CREB3L2: variants seen among roughly 807,000 people sequenced by gnomAD.
CREB3L2 encodes cAMP responsive element binding protein 3 like 2, also known as cyclic AMP-responsive element-binding protein 3-like protein 2.
Under a neutral mutation model 57.2 loss-of-function variants are expected in CREB3L2, and 23 were observed. That is an observed-to-expected ratio of 0.40 (90% confidence interval 0.29 to 0.57). CREB3L2 has a LOEUF of 0.57. CREB3L2 is among the 20% of genes least tolerant of loss of function. The pLI, the probability that CREB3L2 is intolerant of heterozygous loss-of-function variation, is 0.42. For missense variants in CREB3L2, 628 were observed against 634.7 expected (o/e 0.99, Z 0.11); for synonymous variants, 268 against 265.1 (o/e 1.01, Z -0.11).
chr7:137,880,609 T>C lies in CREB3L2; in HGVS notation c.1488-58A>G. ...AGTCACCAGCTGTTAGCTACAATTC[T>C]CATGCTTTGTAGCGTGATGCAATCA... On this transcript the variant is annotated intron_variant, in intron 11 of 11. Transcript: ENST00000330387. The surrounding 1 kb of genome is among the most constrained non-coding windows in gnomAD (Gnocchi z 4.0). 3.7e-6 allele frequency: 5 copies of C among 1,352,440 alleles called. No homozygotes were observed. In the South Asian group the frequency reaches 4.7e-5, roughly 13 times the overall value. 83.8% of individuals were successfully genotyped at this position (1,352,440 alleles called of 1,614,324 possible).
chr7:137,949,500 G>A (rs1801054217), intron 1 of CREB3L2, among the ~76,000 whole-genome samples: 1 of 152,176 alleles, frequency 6.6e-6, no homozygotes, highest in African/African-American at 2.4e-5. Context: ...TTCTGTGCAA[G>A]TTACTTCCTT....
chr7:137,978,152 T>C (rs1801640799), intron 1 of CREB3L2, among the ~76,000 whole-genome samples: 1 of 151,894 alleles, frequency 6.6e-6, no homozygotes, highest in African/African-American at 2.4e-5. Flanking sequence ...TAAAAACAAA[T>C]CAGAGACCAT....
At chr7:137,933,229 T>C (rs1800696083) in intron 1 of CREB3L2, among the ~76,000 whole-genome samples, 1 of 152,130 alleles carries the variant, frequency 6.6e-6, no homozygotes, top group African/African-American at 2.4e-5. Context: ...AACACGCAAA[T>C]GCAAGAGGTA....
At chr7:137,916,615 G>A (rs1423494956) in intron 2 of CREB3L2, among the ~76,000 whole-genome samples, 1 of 152,056 alleles carries the variant, frequency 6.6e-6, no homozygotes, top group Non-Finnish European at 1.5e-5. Flanking sequence ...CTACTTGGGA[G>A]GCTGAGGCAG....
intron 1 of CREB3L2, among the ~76,000 whole-genome samples, chr7:137,991,285 T>G (rs1801890377): frequency 6.6e-6 from 1 of 151,798 alleles, no homozygotes; most frequent in South Asian, 2.1e-4. Context: ...TGCCTCAGCC[T>G]CCCGAGTAGC....
chr7:137,904,105 C>G, intron 6 of CREB3L2, 88 bp from the exon 7 acceptor site: 1 of 1,086,392 alleles, frequency 9.2e-7, no homozygotes, highest in East Asian at 2.4e-5. Flanking sequence ...GTAGAAGTCA[C>G]CAAAGCCCTG....
Position 138,001,819 on chromosome 7 carries a change from CGT to C in CREB3L2, c.-116_-115del, listed in dbSNP as rs1802083569. On this transcript the variant is annotated 5_prime_UTR_variant, in exon 1 of 12. Transcript: ENST00000330387. This position sits in a 1 kb window ranked among gnomAD's most constrained non-coding sequence, Gnocchi z 4.2. ...GCGTGTGCTTGCGTGTGTGCGCGCG[CGT>C]GTCTGTAGTTTTGCACTTGGAAAGC... is the stretch of plus-strand genomic sequence containing the variant. 7.2e-6 allele frequency: 5 copies of C among 697,406 alleles called. No homozygotes were observed. Among genetic ancestry groups the C allele is most frequent in the Non-Finnish European group, 1.1e-5 (5 of 448,470 alleles). The allele number at this position is 697,406 out of a possible 1,614,324, so 43.2% of individuals were successfully genotyped here. A position where few individuals can be genotyped will look rare whatever the true frequency, so the allele number is the denominator to read the frequency against.
intron 8 of CREB3L2, among the ~76,000 whole-genome samples, chr7:137,891,821 C>T (rs989945726): frequency 2.6e-5 from 4 of 152,106 alleles, no homozygotes; most frequent in Non-Finnish European, 5.9e-5. Flanking sequence ...TCAGGTGATC[C>T]GCCCACCTCG....
chr7:137,994,057 A>G (rs929720149), intron 1 of CREB3L2, among the ~76,000 whole-genome samples: 1 of 152,250 alleles, frequency 6.6e-6, no homozygotes, highest in African/African-American at 2.4e-5. Context: ...AGGTTGATCC[A>G]GAGACAGTGG....
intron 1 of CREB3L2, among the ~76,000 whole-genome samples, chr7:137,968,733 C>A (rs1022644459): frequency 1.3e-5 from 2 of 152,162 alleles, no homozygotes; most frequent in Admixed American, 6.5e-5. Context: ...GGGGGTACAG[C>A]TGGATCAGTC....
At chr7:137,960,195 G>A (rs1801294968) in intron 1 of CREB3L2, among the ~76,000 whole-genome samples, 1 of 152,174 alleles carries the variant, frequency 6.6e-6, no homozygotes, top group Non-Finnish European at 1.5e-5. Flanking sequence ...TAAGTAACTT[G>A]CCAAGAACAT....
intron 1 of CREB3L2, among the ~76,000 whole-genome samples, chr7:137,984,030 C>T (rs1327169657): frequency 6.6e-6 from 1 of 152,112 alleles, no homozygotes; most frequent in Non-Finnish European, 1.5e-5. Context: ...CCCAGAAGTG[C>T]CAAAAAGTGC....
intron 8 of CREB3L2, among the ~76,000 whole-genome samples, chr7:137,890,716 G>A (rs2007564): frequency 0.44 from 66,173 of 151,962 alleles, 17,428 homozygotes; most frequent in African/African-American, 0.76. Flanking sequence ...CTGTGACCTC[G>A]TAACTGATAT....
At chr7:137,946,924 T>TTATCTATATAGTTA (rs1801003359) in intron 1 of CREB3L2, among the ~76,000 whole-genome samples, 2 of 20,582 alleles carry the variant, frequency 9.7e-5, no homozygotes, top group Admixed American at 6.5e-4. Flanking sequence ...ATATATATAG[T>TTATCTATATAGTTA]TATATATATA....
At chr7:137,969,791 C>CACACACACACAT (rs141056660) in intron 1 of CREB3L2, among the ~76,000 whole-genome samples, 9 of 148,564 alleles carry the variant, frequency 6.1e-5, no homozygotes, top group Admixed American at 1.3e-4. Context: ...CACACACACA[C>CACACACACACAT]ACAACATACA....
At position 137,934,445 on chromosome 7, in the gene CREB3L2, C is replaced by A. The variant is rs192503853; in HGVS notation, c.103-6079G>T. On this transcript the variant is annotated intron_variant, in intron 1 of 11. Coordinates refer to ENST00000330387, the MANE Select transcript of CREB3L2 (RefSeq NM_194071.4). Reference sequence around the variant, plus strand: ...CGATTTTCAGAAAATGAAAACATGTCCCCATTTACAGATCAGAAAACTGGG... The same window carrying A: ...CGATTTTCAGAAAATGAAAACATGTACCCATTTACAGATCAGAAAACTGGG... 3.7e-3 allele frequency among the ~76,000 whole-genome samples: 570 copies of A among 152,284 alleles called. 3 individuals are homozygous for A. Among genetic ancestry groups the A allele is most frequent in the African/African-American group, 0.013 (551 of 41,552 alleles).
At chr7:137,987,786 C>T (rs865958185) in intron 1 of CREB3L2, among the ~76,000 whole-genome samples, 4 of 152,186 alleles carry the variant, frequency 2.6e-5, no homozygotes, top group Admixed American at 6.5e-5. Context: ...TGGGCTCAGG[C>T]GATCCTCCCA....
At chr7:137,892,160 T>C (rs912174576) in intron 8 of CREB3L2, among the ~76,000 whole-genome samples, 1 of 152,136 alleles carries the variant, frequency 6.6e-6, no homozygotes, top group Admixed American at 6.5e-5. Flanking sequence ...TCAAATAGAA[T>C]ACACAATATC....
intron 1 of CREB3L2, among the ~76,000 whole-genome samples, chr7:137,973,940 G>A (rs1801561326): frequency 6.6e-6 from 1 of 152,132 alleles, no homozygotes; most frequent in Non-Finnish European, 1.5e-5. Context: ...TGTCTCTGCT[G>A]AAGTGAATCT....
Sources: gnomAD v4.1 joint callset for allele counts (sites outside exome capture counted in the v4.1 genomes callset) on GRCh38, gnomAD v4.1.1 for gene constraint, Gnocchi (gnomAD v3.1) non-coding constraint, MANE v1.5 for transcripts, NCBI Gene and HGNC (gene_info 2026-07-23, HGNC 2026-07-21) for gene names.